The following NHSL1 variants were observed in gnomAD, a reference collection of about 807,000 sequenced individuals.
The protein encoded by NHSL1 is NHS like 1.
In NHSL1, 48 loss-of-function variants were observed where a neutral mutation model predicts 95.0. The ratio of observed to expected loss-of-function variants is 0.51; its 90% CI spans 0.40 to 0.64. The LOEUF (loss-of-function observed/expected upper bound fraction) is 0.64, where lower values mean the gene tolerates loss of function less well. NHSL1 is among the 30% of genes least tolerant of loss of function. The pLI is 0.00. For missense variants in NHSL1, 1,971 were observed against 2,077.7 expected, an observed-to-expected ratio of 0.95 and a Z score of 1.00; for synonymous variants, 783 against 833.9, an observed-to-expected ratio of 0.94 and a Z score of 1.05.
intron 1 of NHSL1, among the ~76,000 whole-genome samples, chr6:138,594,877 T>G (rs1481284289): frequency 6.6e-6 from 1 of 151,952 alleles, no homozygotes; most frequent in African/African-American, 2.4e-5. Context: ...AAACAAGGAG[T>G]GCACCACAAA....
chr6:138,576,137 G>A (rs572707438), upstream of NHSL1, among the ~76,000 whole-genome samples: 6 of 152,054 alleles, frequency 3.9e-5, no homozygotes, highest in Middle Eastern at 3.4e-3. Context: ...AACTACAGGC[G>A]CGCATCTCCA....
chr6:138,693,036 C>T (rs548385996), upstream of NHSL1, among the ~76,000 whole-genome samples: 3 of 151,364 alleles, frequency 2.0e-5, no homozygotes, highest in Admixed American at 6.6e-5. The surrounding 1 kb of genome is among the most constrained non-coding windows in gnomAD (Gnocchi z 4.3). Flanking sequence ...ACCCGCAGGG[C>T]TTCGCGGGCC....
chr6:138,574,310 T>C (rs1326463213), upstream of NHSL1, among the ~76,000 whole-genome samples: 1 of 152,148 alleles, frequency 6.6e-6, no homozygotes, highest in Non-Finnish European at 1.5e-5. Context: ...CTCTTCTTTC[T>C]GAGTAGAAAA....
chr6:138,666,852 A>G (rs1175367037), intron 1 of NHSL1, among the ~76,000 whole-genome samples: 2 of 152,216 alleles, frequency 1.3e-5, no homozygotes, highest in African/African-American at 4.8e-5. Flanking sequence ...AAATTCTGTA[A>G]CGCTGGAATC....
At chr6:138,572,125 A>C (rs1583426443) in exon 1 of NHSL1, 3 of 515,300 alleles carry the variant, frequency 5.8e-6, no homozygotes. Flanking sequence ...AAAATGTTTT[A>C]CCCTAGCCAC....
At chr6:138,690,983 T>A (rs1255069134) in intron 1 of NHSL1, among the ~76,000 whole-genome samples, 1 of 152,178 alleles carries the variant, frequency 6.6e-6, no homozygotes, top group Non-Finnish European at 1.5e-5. Context: ...CCACAATAGA[T>A]CAGTTCACCT....
upstream of NHSL1, among the ~76,000 whole-genome samples, chr6:138,573,660 A>C (rs1783915390): frequency 6.6e-6 from 1 of 152,206 alleles, no homozygotes; most frequent in African/African-American, 2.4e-5. Flanking sequence ...GGTATTACTA[A>C]GGCAGAAGCT....
chr6:138,437,445 CAAAAAAAAAAAAA>C (rs1202687511), intron 5 of NHSL1, among the ~76,000 whole-genome samples: 1 of 61,810 alleles, frequency 1.6e-5, no homozygotes, highest in African/African-American at 6.3e-5. Context: ...CACACACACA[CAAAAAAAAAAAAA>C]AAAAATACAA....
upstream of NHSL1, among the ~76,000 whole-genome samples, chr6:138,546,312 C>T (rs563311530): frequency 2.7e-5 from 4 of 150,814 alleles, no homozygotes; most frequent in African/African-American, 7.3e-5. Flanking sequence ...AAAAACGGGG[C>T]GGACATGGTG....
At chr6:138,632,635 A>C (rs1784834675) in intron 1 of NHSL1, among the ~76,000 whole-genome samples, 1 of 152,208 alleles carries the variant, frequency 6.6e-6, no homozygotes, top group South Asian at 2.1e-4. Context: ...TACGAGTCTG[A>C]AAGAACCACA....
At chr6:138,437,432 ACACACACACACAC>A (rs1490277787) in intron 5 of NHSL1, among the ~76,000 whole-genome samples, 3 of 36,934 alleles carry the variant, frequency 8.1e-5, no homozygotes, top group Non-Finnish European at 1.6e-4. Flanking sequence ...ACACACACAC[ACACACACACACAC>A]AAAAAAAAAA....
At chr6:138,498,130 C>T (rs1780464798) in intron 1 of NHSL1, among the ~76,000 whole-genome samples, 1 of 152,150 alleles carries the variant, frequency 6.6e-6, no homozygotes, top group Non-Finnish European at 1.5e-5. Flanking sequence ...CCATATGTCC[C>T]CCCAAAGTGT....
chr6:138,495,501 A>T (rs1780296556), intron 2 of NHSL1, among the ~76,000 whole-genome samples: 1 of 152,204 alleles, frequency 6.6e-6, no homozygotes, highest in Admixed American at 6.5e-5. Flanking sequence ...TGTTCAAAAA[A>T]ACAAATTGGT....
At chr6:138,546,992 C>T (rs770610723), upstream of NHSL1, among the ~76,000 whole-genome samples, 6 of 152,232 alleles carry the variant, frequency 3.9e-5, no homozygotes, top group Non-Finnish European at 8.8e-5. Flanking sequence ...AGACGTGAGT[C>T]TCCTGGCTCA....
At chr6:138,533,054 T>C (rs1203827535) in intron 1 of NHSL1, among the ~76,000 whole-genome samples, 2 of 152,184 alleles carry the variant, frequency 1.3e-5, no homozygotes, top group Non-Finnish European at 2.9e-5. Flanking sequence ...ACTTGGGGTC[T>C]TGAGTAATAA....
At chr6:138,603,720 C>A (rs1260309855) in intron 1 of NHSL1, among the ~76,000 whole-genome samples, 1 of 152,120 alleles carries the variant, frequency 6.6e-6, no homozygotes, top group Non-Finnish European at 1.5e-5. Context: ...GCATCTCATC[C>A]CTTTAAAACA....
At chr6:138,538,938 T>C (rs1376820277) in intron 1 of NHSL1, among the ~76,000 whole-genome samples, 3 of 152,202 alleles carry the variant, frequency 2.0e-5, no homozygotes, top group Non-Finnish European at 4.4e-5. Flanking sequence ...TCTGTTATCA[T>C]GCACCCCCTC....
At chr6:138,462,779 A>G (rs1022892792) in intron 3 of NHSL1, among the ~76,000 whole-genome samples, 1 of 152,210 alleles carries the variant, frequency 6.6e-6, no homozygotes, top group African/African-American at 2.4e-5. Context: ...TAACTAACCA[A>G]TCAGGCTTTA....
chr6:138,423,938 G>T lies in NHSL1; in HGVS notation c.*143C>A. On this transcript the variant is annotated 3_prime_UTR_variant, in exon 8 of 8. Coordinates refer to ENST00000343505, the MANE Select transcript of NHSL1 (RefSeq NM_001144060.2). ...TCCTAAATAACCGTTCACTCACACT[G>T]CAGGGCTGGCAACCCCGGGGCCCAC... The T allele has an allele frequency of 1.3e-6, 1 of 774,998 alleles. No individual in the cohort carries two copies. Among genetic ancestry groups the T allele is most frequent in the Non-Finnish European group, 1.8e-6 (1 of 565,548 alleles). 48.0% of individuals were successfully genotyped at this position (774,998 alleles called of 1,614,324 possible). A position where few individuals can be genotyped will look rare whatever the true frequency, so the allele number is the denominator to read the frequency against.
Sources: gnomAD v4.1 joint callset for allele counts (sites outside exome capture counted in the v4.1 genomes callset) on GRCh38, gnomAD v4.1.1 for gene constraint, Gnocchi (gnomAD v3.1) non-coding constraint, MANE v1.5 for transcripts, NCBI Gene and HGNC (gene_info 2026-07-23, HGNC 2026-07-21) for gene names.